The following SLC25A26 variants were observed in gnomAD, a reference collection of about 807,000 sequenced individuals.
SLC25A26 encodes mitochondrial S-adenosylmethionine carrier protein.
Under a neutral mutation model 37.8 loss-of-function variants are expected in SLC25A26, and 36 were observed. That is an observed-to-expected ratio of 0.95 (90% CI 0.73 to 1.26). The LOEUF (loss-of-function observed/expected upper bound fraction) is 1.26. Ranked by LOEUF, SLC25A26 falls within the 50% of genes most tolerant of loss-of-function variation. SLC25A26 has a pLI of 0.00. For synonymous variants in SLC25A26, 129 were observed against 122.5 expected (o/e 1.05, Z -0.35); for missense variants, 390 against 331.1 (o/e 1.18, Z -1.38).
intron 1 of SLC25A26, among the ~76,000 whole-genome samples, chr3:66,195,365 G>C (rs1347065714): frequency 6.6e-6 from 1 of 152,236 alleles, no homozygotes; most frequent in Non-Finnish European, 1.5e-5. Flanking sequence ...CCAAATTGCT[G>C]TTCTCCAGGA....
chr3:66,301,221 C>G (rs1259892931), intron 5 of SLC25A26, among the ~76,000 whole-genome samples: 1 of 152,156 alleles, frequency 6.6e-6, no homozygotes, highest in Non-Finnish European at 1.5e-5. Context: ...ATAGCAATTT[C>G]TCTTGTTTTA....
At chr3:66,345,360 T>C (rs1363851516) in intron 5 of SLC25A26, among the ~76,000 whole-genome samples, 3 of 152,226 alleles carry the variant, frequency 2.0e-5, no homozygotes, top group Non-Finnish European at 1.5e-5. Context: ...AGTAGCTCTG[T>C]CTGCTTCCTC....
At chr3:66,365,884 T>C (rs1002335904) in intron 7 of SLC25A26, among the ~76,000 whole-genome samples, 5 of 152,120 alleles carry the variant, frequency 3.3e-5, no homozygotes, top group Admixed American at 6.6e-5. Context: ...GGAGGAGCAA[T>C]GAATGGCAGC....
At chr3:66,339,693 A>G (rs753406553) in intron 5 of SLC25A26, among the ~76,000 whole-genome samples, 1 of 151,908 alleles carries the variant, frequency 6.6e-6, no homozygotes, top group Admixed American at 6.6e-5. Context: ...AATGATGTCT[A>G]TTTAAATTCT....
upstream of SLC25A26, chr3:66,220,963 T>G (rs1212215958): frequency 1.8e-5 from 17 of 954,178 alleles, no homozygotes; most frequent in South Asian, 1.4e-4. Flanking sequence ...CGTGCAGTTG[T>G]TGTGGTTCTA....
At chr3:66,297,959 T>C (rs1002146993) in intron 5 of SLC25A26, among the ~76,000 whole-genome samples, 1 of 152,208 alleles carries the variant, frequency 6.6e-6, no homozygotes, top group African/African-American at 2.4e-5. Flanking sequence ...CGTTATCAAA[T>C]TTGCAAATTA....
At chr3:66,346,715 CGTGTGTGTGTGTGTGTGTGTGTGT>C (rs34944870) in intron 6 of SLC25A26, among the ~76,000 whole-genome samples, 7 of 138,882 alleles carry the variant, frequency 5.0e-5, no homozygotes, top group Non-Finnish European at 7.9e-5. Flanking sequence ...TTGCTGTGTG[CGTGTGTGTGTGTGTGTGTGTGTGT>C]GTGTGTGTGT....
In SLC25A26 at chr3:66,320,904, A is replaced by G. The variant is rs2075675731; in HGVS notation, c.454-25460A>G. On this transcript the variant is annotated intron_variant, in intron 5 of 9. Coordinates refer to ENST00000354883, the MANE Select transcript of SLC25A26 (RefSeq NM_001379210.1). ...AGTTTTAAAAAATTGTCATATTTTA[A>G]AACATTTATATAATTGCTATGGTCT... Among the ~76,000 whole-genome samples the G allele has an allele frequency of 2.6e-5, 4 of 152,202 alleles. No individual in the cohort carries two copies. In the South Asian group the frequency reaches 8.3e-4, roughly 32 times the overall value.
At chr3:66,269,904 C>T (rs1326919532) in intron 5 of SLC25A26, among the ~76,000 whole-genome samples, 1 of 152,172 alleles carries the variant, frequency 6.6e-6, no homozygotes, top group Admixed American at 6.5e-5. Context: ...CTCTTGAAAA[C>T]AGCCACTGGG....
intron 1 of SLC25A26, among the ~76,000 whole-genome samples, chr3:66,166,541 A>G (rs1346398312): frequency 2.0e-5 from 3 of 152,206 alleles, no homozygotes; most frequent in African/African-American, 7.2e-5. Context: ...GTCTTTTGGA[A>G]TGGAAGGCTT....
intron 7 of SLC25A26, among the ~76,000 whole-genome samples, chr3:66,367,073 A>G (rs2076839650): frequency 6.6e-6 from 1 of 152,204 alleles, no homozygotes; most frequent in Non-Finnish European, 1.5e-5. Context: ...AGACCAGGGT[A>G]CCGATTAAGC....
At chr3:66,242,776 A>G (rs972906918) in intron 2 of SLC25A26, among the ~76,000 whole-genome samples, 11 of 152,366 alleles carry the variant, frequency 7.2e-5, no homozygotes, top group East Asian at 5.8e-4. Flanking sequence ...ATAAAACATT[A>G]TAGAATAGAC....
At chr3:66,306,560 T>A (rs957900007) in intron 5 of SLC25A26, among the ~76,000 whole-genome samples, 1 of 152,178 alleles carries the variant, frequency 6.6e-6, no homozygotes, top group East Asian at 1.9e-4. Flanking sequence ...TACATAGGTA[T>A]ACATGTGCCA....
At chr3:66,291,888 T>C (rs1368885493) in intron 5 of SLC25A26, among the ~76,000 whole-genome samples, 1 of 152,202 alleles carries the variant, frequency 6.6e-6, no homozygotes, top group Non-Finnish European at 1.5e-5. Flanking sequence ...CTGTCTAATA[T>C]TGACAGTTGG....
chr3:66,169,358 C>T (rs141414971), intron 1 of SLC25A26, among the ~76,000 whole-genome samples: 104 of 152,260 alleles, frequency 6.8e-4, no homozygotes, highest in Middle Eastern at 3.4e-3. Context: ...TCAGTTAGAC[C>T]AATCCCTTAC....
At chr3:66,166,191 G>A (rs922270223) in intron 1 of SLC25A26, among the ~76,000 whole-genome samples, 3 of 152,150 alleles carry the variant, frequency 2.0e-5, no homozygotes, top group African/African-American at 7.2e-5. Flanking sequence ...GTGACATACT[G>A]ATCTGACATC....
At chr3:66,256,212 G>A (rs1278585845) in intron 3 of SLC25A26, among the ~76,000 whole-genome samples, 2 of 152,004 alleles carry the variant, frequency 1.3e-5, no homozygotes, top group African/African-American at 2.4e-5. Flanking sequence ...GATGCTGGGA[G>A]CTGTCCTGTT....
At chr3:66,258,766 C>T (rs1260044101) in intron 3 of SLC25A26, among the ~76,000 whole-genome samples, 4 of 151,920 alleles carry the variant, frequency 2.6e-5, no homozygotes, top group Non-Finnish European at 5.9e-5. Context: ...GGGAGAATTG[C>T]CTGAGCCCAG....
chr3:66,343,037 A>AT (rs2076244315), intron 5 of SLC25A26, among the ~76,000 whole-genome samples: 1 of 152,180 alleles, frequency 6.6e-6, no homozygotes. Flanking sequence ...TCTATAAAAC[A>AT]TTTTAGAATA....
Sources: allele counts gnomAD v4.1 joint callset (sites outside exome capture counted in the v4.1 genomes callset), GRCh38; gene constraint gnomAD v4.1.1; transcripts MANE v1.5; gene names NCBI Gene and HGNC (gene_info 2026-07-23, HGNC 2026-07-21).